The following SH3GL3 variants were observed in gnomAD, a reference collection of about 807,000 sequenced individuals.
SH3GL3 encodes endophilin-A3.
In SH3GL3, 33 loss-of-function variants were observed where a neutral mutation model predicts 47.7. That is an observed-to-expected ratio of 0.69 (90% CI 0.52 to 0.92). The LOEUF is 0.92. SH3GL3 is among the 40% of genes least tolerant of loss of function. The pLI is 0.00. For missense variants in SH3GL3, 363 were observed against 417.8 expected, an observed-to-expected ratio of 0.87 and a Z score of 1.14; for synonymous variants, 155 against 148.8, an observed-to-expected ratio of 1.04 and a Z score of -0.30.
chr15:83,563,358 AC>A (rs1273514476), intron 2 of SH3GL3, among the ~76,000 whole-genome samples: 1 of 151,970 alleles, frequency 6.6e-6, no homozygotes. Context: ...TTTTTCCTTC[AC>A]TGCAATTTGC....
intron 1 of SH3GL3, among the ~76,000 whole-genome samples, chr15:83,465,130 T>G (rs988592034): frequency 8.6e-5 from 13 of 151,318 alleles, no homozygotes; most frequent in Admixed American, 8.6e-4. Flanking sequence ...GCCAACGTGG[T>G]GAAACCCCGT....
intron 8 of SH3GL3, among the ~76,000 whole-genome samples, chr15:83,607,276 T>A (rs909609800): frequency 6.6e-6 from 1 of 152,210 alleles, no homozygotes; most frequent in Non-Finnish European, 1.5e-5. Flanking sequence ...GTACTTGTTT[T>A]AAAAAATACG....
At chr15:83,601,466 G>A (rs1474855653) in intron 8 of SH3GL3, among the ~76,000 whole-genome samples, 1 of 152,072 alleles carries the variant, frequency 6.6e-6, no homozygotes, top group Non-Finnish European at 1.5e-5. Flanking sequence ...TGTAATTTTT[G>A]TTTTTAATTC....
intron 1 of SH3GL3, among the ~76,000 whole-genome samples, chr15:83,505,490 C>T (rs1212368952): frequency 6.8e-6 from 1 of 147,140 alleles, no homozygotes; most frequent in Non-Finnish European, 1.5e-5. Flanking sequence ...AGGTTGTGCA[C>T]TCTTTCATTT....
At chr15:83,484,981 C>T (rs1375761839) in intron 1 of SH3GL3, among the ~76,000 whole-genome samples, 1 of 152,066 alleles carries the variant, frequency 6.6e-6, no homozygotes, top group East Asian at 1.9e-4. Context: ...CATTATCTTC[C>T]AAAACCTCCT....
chr15:83,547,866 T>G (rs1278055102), intron 1 of SH3GL3, among the ~76,000 whole-genome samples: 1 of 151,956 alleles, frequency 6.6e-6, no homozygotes, highest in Non-Finnish European at 1.5e-5. Flanking sequence ...ATTGATATTT[T>G]TACATTTAAA....
intron 1 of SH3GL3, among the ~76,000 whole-genome samples, chr15:83,497,235 C>G (rs182890941): frequency 6.6e-6 from 1 of 152,136 alleles, no homozygotes; most frequent in African/African-American, 2.4e-5. Context: ...GCCCCAAGAC[C>G]CCGTGGTAGT....
At chr15:83,630,740 A>C in the SH3GL3 span, among the ~76,000 whole-genome samples, 13 of 152,134 alleles carry the variant, frequency 8.5e-5, no homozygotes, top group African/African-American at 3.1e-4. Flanking sequence ...GTCCCTCCCA[A>C]GACATGTGGG....
At chr15:83,465,970 A>G (rs28611441) in intron 1 of SH3GL3, among the ~76,000 whole-genome samples, 297 of 152,304 alleles carry the variant, frequency 2.0e-3, no homozygotes, top group African/African-American at 7.0e-3. Flanking sequence ...CAGTCAGGAT[A>G]TAGAACAGGT....
chr15:83,490,943 G>A, intron 1 of SH3GL3: 2 of 1,613,228 alleles, frequency 1.2e-6, no homozygotes, highest in Non-Finnish European at 1.7e-6. Flanking sequence ...GGTTGGGGAA[G>A]AACAGTAAAC....
chr15:83,495,731 G>A (rs1195771067), intron 1 of SH3GL3, among the ~76,000 whole-genome samples: 2 of 151,600 alleles, frequency 1.3e-5, no homozygotes, highest in South Asian at 2.1e-4. Flanking sequence ...ACTGAGACTC[G>A]GTCTCAAAAG....
intron 1 of SH3GL3, among the ~76,000 whole-genome samples, chr15:83,542,000 T>C (rs1306566916): frequency 2.0e-5 from 3 of 152,242 alleles, no homozygotes; most frequent in Non-Finnish European, 1.5e-5. Context: ...ATTTTTGCTT[T>C]GGTTGCCTGT....
intron 6 of SH3GL3, among the ~76,000 whole-genome samples, chr15:83,578,224 A>G (rs1366659083): frequency 6.6e-6 from 1 of 152,160 alleles, no homozygotes; most frequent in African/African-American, 2.4e-5. Flanking sequence ...CCTTGGGTTT[A>G]AGGGGCCATT....
intron 5 of SH3GL3, 85 bp downstream of exon 5, chr15:83,572,783 A>G: frequency 2.0e-6 from 2 of 994,960 alleles, no homozygotes; most frequent in Non-Finnish European, 3.0e-6. Flanking sequence ...CAGCAGACTG[A>G]AAGCATCATC....
At chr15:83,563,233 AT>A (rs555860944) in intron 2 of SH3GL3, among the ~76,000 whole-genome samples, 1 of 151,760 alleles carries the variant, frequency 6.6e-6, no homozygotes, top group Non-Finnish European at 1.5e-5. Context: ...GATCTTCCTT[AT>A]TTTTTTTCCT....
intron 1 of SH3GL3, among the ~76,000 whole-genome samples, chr15:83,535,718 A>G (rs571723317): frequency 6.6e-6 from 1 of 152,334 alleles, no homozygotes; most frequent in South Asian, 2.1e-4. Flanking sequence ...ACATTTTGCT[A>G]TGAAATCAAT....
intron 1 of SH3GL3, among the ~76,000 whole-genome samples, chr15:83,517,394 T>C (rs2043030116): frequency 1.3e-5 from 2 of 151,846 alleles, no homozygotes; most frequent in Middle Eastern, 6.8e-3. Context: ...TTAGTAGAGA[T>C]GGGATTTCAC....
intron 1 of SH3GL3, among the ~76,000 whole-genome samples, chr15:83,504,485 T>C (rs772586499): frequency 5.9e-5 from 9 of 152,214 alleles, no homozygotes; most frequent in Non-Finnish European, 7.3e-5. Flanking sequence ...TATAAAAGAC[T>C]GTGGCTCCCA....
intron 2 of SH3GL3, among the ~76,000 whole-genome samples, chr15:83,560,630 G>T (rs1187610290): frequency 6.6e-6 from 1 of 152,130 alleles, no homozygotes; most frequent in East Asian, 1.9e-4. Flanking sequence ...AAAAACCCCA[G>T]TGAGTTACAG....
Sources: allele counts gnomAD v4.1 joint callset (sites outside exome capture counted in the v4.1 genomes callset), GRCh38; gene constraint gnomAD v4.1.1; transcripts MANE v1.5; gene names NCBI Gene and HGNC (gene_info 2026-07-23, HGNC 2026-07-21).